Variants in OIT3 observed in about 807,000 individuals in gnomAD.
OIT3 encodes the protein oncoprotein-induced transcript 3 protein.
OIT3 carries 41 observed loss-of-function variants against 52.2 expected under a neutral mutation model. That is an observed-to-expected ratio of 0.79 (90% confidence interval 0.61 to 1.02). The LOEUF (loss-of-function observed/expected upper bound fraction) is 1.02. OIT3 is among the 50% of genes least tolerant of loss of function. The pLI, the probability that OIT3 is intolerant of heterozygous loss-of-function variation, is 0.00. For missense variants in OIT3, 634 were observed against 715.5 expected (o/e 0.89, Z 1.30); for synonymous variants, 244 against 276.9 (o/e 0.88, Z 1.18).
chr10:72,926,934 C>G (rs1197300398), intron 7 of OIT3, among the ~76,000 whole-genome samples: 1 of 151,938 alleles, frequency 6.6e-6, no homozygotes, highest in East Asian at 1.9e-4. Context: ...GATGTGTATA[C>G]CCATGAAGCC....
At chr10:72,899,426 C>T (rs1450054881) in intron 2 of OIT3, among the ~76,000 whole-genome samples, 5 of 151,788 alleles carry the variant, frequency 3.3e-5, no homozygotes, top group African/African-American at 1.2e-4. Flanking sequence ...GAAACCCTGT[C>T]TCTACTAGAA....
intron 1 of OIT3, 30 bp from the exon 2 acceptor site, chr10:72,898,634 G>A: frequency 6.3e-7 from 1 of 1,576,144 alleles, no homozygotes; most frequent in Non-Finnish European, 8.7e-7. Context: ...AAACACTCCA[G>A]GTACTCTGAG....
At chr10:72,899,754 T>C (rs1339380775) in intron 2 of OIT3, among the ~76,000 whole-genome samples, 1 of 143,198 alleles carries the variant, frequency 7.0e-6, no homozygotes. Flanking sequence ...GATAGATAGA[T>C]AGATGATAGA....
At chr10:72,895,857 T>TACATCGCACTG (rs1845871333) in intron 1 of OIT3, among the ~76,000 whole-genome samples, 1 of 152,116 alleles carries the variant, frequency 6.6e-6, no homozygotes, top group Admixed American at 6.5e-5. Flanking sequence ...CTGAGATGTA[T>TACATCGCACTG]AGATCAGCAT....
chr10:72,900,929 A>G (rs1463629543), intron 3 of OIT3, among the ~76,000 whole-genome samples: 1 of 152,054 alleles, frequency 6.6e-6, no homozygotes, highest in Non-Finnish European at 1.5e-5. Flanking sequence ...TTATGTGGGT[A>G]TGATGGCAGG....
chr10:72,918,014 A>C (rs1225271883), intron 6 of OIT3: 1 of 819,616 alleles, frequency 1.2e-6, no homozygotes, highest in Admixed American at 1.7e-5. Context: ...CATCATCTTC[A>C]TCTTCTTCAT....
chr10:72,899,837 A>C (rs1845916030), intron 2 of OIT3, among the ~76,000 whole-genome samples: 1 of 152,126 alleles, frequency 6.6e-6, no homozygotes, highest in Non-Finnish European at 1.5e-5. Flanking sequence ...ATACAATGGG[A>C]AGAAGCTACT....
Position 72,911,812 on chromosome 10 carries a change from C to G in OIT3, c.763C>G (p.Leu255Val), listed in dbSNP as rs1420305934. ...GTGTGAATGTCCCCGGGGCCTGGTG[C>G]TGTCTGAGGATAACCACACTTGCCA... is the stretch of plus-strand genomic sequence containing the variant. ...YQCECPRGLV[L>V]SEDNHTCQVP... Residue 255 changes from leucine (L) to valine (V), a missense_variant, in exon 5 of 9, where the codon CTG becomes GTG. Transcript: ENST00000334011. 6.2e-7 allele frequency: 1 copy of G among 1,613,634 alleles called. No homozygotes were observed. The highest frequency in any genetic ancestry group is 1.7e-5 in the Admixed American group (1 of 59,994).
At chr10:72,925,436 A>C (rs556885915) in intron 7 of OIT3, among the ~76,000 whole-genome samples, 45 of 152,308 alleles carry the variant, frequency 3.0e-4, no homozygotes, top group African/African-American at 1.1e-3. Flanking sequence ...GAGATGGCAG[A>C]GCATGTGTGA....
intron 1 of OIT3, 117 bp downstream of exon 1, chr10:72,893,976 TAAGAA>T: frequency 1.6e-6 from 1 of 615,404 alleles, no homozygotes; most frequent in Non-Finnish European, 2.7e-6. Context: ...TAGAATCTTG[TAAGAA>T]AAGTCCCTAA....
At chr10:72,899,960 C>G (rs1845917400) in intron 2 of OIT3, among the ~76,000 whole-genome samples, 2 of 152,100 alleles carry the variant, frequency 1.3e-5, no homozygotes, top group Admixed American at 1.3e-4. Context: ...GTCTATAGCT[C>G]TTGTATGGTG....
At chr10:72,910,140 C>T (rs1307295014) in intron 4 of OIT3, among the ~76,000 whole-genome samples, 1 of 151,940 alleles carries the variant, frequency 6.6e-6, no homozygotes, top group Non-Finnish European at 1.5e-5. Context: ...CTGGAAATAT[C>T]CTGAATGAAC....
At position 72,924,422 on chromosome 10, in the gene OIT3, G is replaced by A. The variant is rs144661264; in HGVS notation, c.1145G>A (p.Arg382Gln). 57 of 1,613,926 alleles carry A rather than the reference G, an allele frequency of 3.5e-5. No homozygotes were observed. The African/African-American group carries it at 4.7e-4, about 13-fold the overall frequency. The change falls in exon 7 of 9, where the codon CGA (arginine) becomes CAA (glutamine). Residue 382 changes from arginine (R) to glutamine (Q), a missense_variant. Physicochemically the swap from Arg to Gln is conservative, Grantham distance 43 (BLOSUM62 1). Coordinates refer to ENST00000334011, the MANE Select transcript of OIT3 (RefSeq NM_152635.3). ...AACTCCCCACTGGAAATCATGAGCC[G>A]AAATCATGGGATCTTCCCATTCACT... ...LRNSPLEIMS[R>Q]NHGIFPFTLE...
At chr10:72,916,029 G>T (rs1846069614) in intron 6 of OIT3, among the ~76,000 whole-genome samples, 1 of 152,150 alleles carries the variant, frequency 6.6e-6, no homozygotes, top group Admixed American at 6.5e-5. Flanking sequence ...TGAAGGGCGG[G>T]TAAATGAAGA....
intron 4 of OIT3, among the ~76,000 whole-genome samples, chr10:72,909,033 C>T (rs370932269): frequency 1.3e-5 from 2 of 151,166 alleles, no homozygotes; most frequent in Non-Finnish European, 2.9e-5. Flanking sequence ...GAGCCCATCA[C>T]CCAGATGGTG....
chr10:72,907,421 A>C (rs896847293), intron 4 of OIT3, among the ~76,000 whole-genome samples: 1 of 152,188 alleles, frequency 6.6e-6, no homozygotes, highest in South Asian at 2.1e-4. Flanking sequence ...GGAGTCAGCT[A>C]TGCTGCTGGT....
chr10:72,914,598 G>C (rs1846058422), intron 6 of OIT3, among the ~76,000 whole-genome samples: 1 of 152,180 alleles, frequency 6.6e-6, no homozygotes, highest in Non-Finnish European at 1.5e-5. Context: ...ATTGTCCCAT[G>C]CATGGCAGAG....
chr10:72,927,608 G>T (rs1257752957), intron 7 of OIT3, among the ~76,000 whole-genome samples: 3 of 152,128 alleles, frequency 2.0e-5, no homozygotes, highest in South Asian at 2.1e-4. Flanking sequence ...AAATCATCCC[G>T]TCTGTGGTGC....
At position 72,932,709 on chromosome 10, in the gene OIT3, C is replaced by T. The variant is rs938033774; in HGVS notation, c.*185C>T. ...GGGCACAGGTCACAGCACTGCTGAA[C>T]AATGTGGCCTGGGTGGGGTTTCATC... is the stretch of plus-strand genomic sequence containing the variant. On this transcript the variant is annotated 3_prime_UTR_variant, in exon 9 of 9. Transcript: ENST00000334011. The T allele has an allele frequency of 1.3e-5, 7 of 530,804 alleles. No homozygotes were observed. The highest frequency in any genetic ancestry group is 1.2e-4 in the African/African-American group (6 of 51,256). The allele number at this position is 530,804 out of a possible 1,614,324, so 32.9% of individuals were successfully genotyped here.
Sources: allele counts gnomAD v4.1 joint callset (sites outside exome capture counted in the v4.1 genomes callset), GRCh38; gene constraint gnomAD v4.1.1; transcripts MANE v1.5; gene names NCBI Gene and HGNC (gene_info 2026-07-23, HGNC 2026-07-21).